Variants in RALGPS2 observed in about 807,000 individuals in gnomAD.
RALGPS2 encodes the protein Ral GEF with PH domain and SH3 binding motif 2.
In RALGPS2, 43 loss-of-function variants were observed where a neutral mutation model predicts 86.8. The ratio of observed to expected loss-of-function variants is 0.50; its 90% CI spans 0.39 to 0.64. The LOEUF is 0.64. RALGPS2 is among the 30% of genes least tolerant of loss of function. The pLI, the probability that RALGPS2 is intolerant of heterozygous loss-of-function variation, is 0.00. For missense variants in RALGPS2, 536 were observed against 694.6 expected (o/e 0.77, Z 2.57); for synonymous variants, 243 against 231.3 (o/e 1.05, Z -0.46).
intron 7 of RALGPS2, among the ~76,000 whole-genome samples, chr1:178,827,457 G>C (rs1655801748): frequency 6.7e-6 from 1 of 148,960 alleles, no homozygotes; most frequent in African/African-American, 2.5e-5. Flanking sequence ...TGCAGTGGCG[G>C]GATCTCGGCT....
Position 178,916,319 on chromosome 1 carries a change from A to G in RALGPS2, c.1723-11A>G, listed in dbSNP as rs372752972. On this transcript the variant is annotated splice_polypyrimidine_tract_variant and intron_variant, in intron 19 of 19. Transcript: ENST00000367635. ...CTTTTAAACTCAGTTTTTAATGCTT[A>G]TATTTTTTAGGTTCCTACAAACTTG... The G allele has an allele frequency of 1.7e-5, 27 of 1,585,710 alleles. No individual in the cohort carries two copies. In the African/African-American group the frequency reaches 3.4e-4, roughly 20 times the overall value.
intron 8 of RALGPS2, chr1:178,851,161 C>T (rs1282800082): frequency 1.2e-6 from 2 of 1,613,742 alleles, no homozygotes; most frequent in Non-Finnish European, 1.7e-6. Context: ...ATCTGAACTG[C>T]TCTTAAGGAG....
intron 1 of RALGPS2, chr1:178,725,721 G>A (rs1292402821): frequency 3.3e-5 from 5 of 152,178 alleles, no homozygotes; most frequent in Non-Finnish European, 7.3e-5. Flanking sequence ...GCGACCCCTT[G>A]AACCCGCCTC....
intron 1 of RALGPS2, among the ~76,000 whole-genome samples, chr1:178,771,440 C>T (rs552088779): frequency 6.6e-6 from 1 of 152,330 alleles, no homozygotes; most frequent in African/African-American, 2.4e-5. Context: ...AACTTCTTGT[C>T]AGTAATGTTG....
chr1:178,757,394 G>A (rs982477198), intron 1 of RALGPS2, among the ~76,000 whole-genome samples: 4 of 152,104 alleles, frequency 2.6e-5, no homozygotes, highest in Non-Finnish European at 4.4e-5. Flanking sequence ...AATACTCTTA[G>A]CTTTTGCCTG....
chr1:178,811,659 A>G (rs1021121638), intron 6 of RALGPS2, among the ~76,000 whole-genome samples: 1 of 152,180 alleles, frequency 6.6e-6, no homozygotes, highest in Non-Finnish European at 1.5e-5. Flanking sequence ...TTACTGAATA[A>G]GTAGACAAAG....
At chr1:178,780,946 T>TTA (rs1183586778) in intron 2 of RALGPS2, among the ~76,000 whole-genome samples, 3 of 152,032 alleles carry the variant, frequency 2.0e-5, no homozygotes, top group South Asian at 2.1e-4. Context: ...AAGATTATGT[T>TTA]TATATATATG....
At chr1:178,888,969 TAA>T (rs1197148404) in intron 13 of RALGPS2, among the ~76,000 whole-genome samples, 2 of 152,144 alleles carry the variant, frequency 1.3e-5, no homozygotes, top group Non-Finnish European at 2.9e-5. Flanking sequence ...GAATTACCTT[TAA>T]AGTAACATTT....
intron 4 of RALGPS2, among the ~76,000 whole-genome samples, chr1:178,788,269 G>A (rs550459507): frequency 1.3e-5 from 2 of 152,268 alleles, no homozygotes; most frequent in African/African-American, 4.8e-5. Flanking sequence ...TTTGTGTTGT[G>A]ATTCAACAAA....
chr1:178,878,366 A>G (rs957646953), intron 9 of RALGPS2, among the ~76,000 whole-genome samples: 4 of 152,268 alleles, frequency 2.6e-5, no homozygotes, highest in African/African-American at 9.6e-5. Flanking sequence ...CTTTTGCTTC[A>G]TGCATCTATA....
chr1:178,858,855 G>C (rs1166561353), intron 8 of RALGPS2, among the ~76,000 whole-genome samples: 1 of 152,170 alleles, frequency 6.6e-6, no homozygotes, highest in Non-Finnish European at 1.5e-5. Context: ...TCTGTAAAAA[G>C]AGCTTTTACA....
At chr1:178,737,818 C>G (rs1195364167) in intron 1 of RALGPS2, among the ~76,000 whole-genome samples, 3 of 152,098 alleles carry the variant, frequency 2.0e-5, no homozygotes, top group African/African-American at 7.2e-5. Flanking sequence ...CACTCTCTCA[C>G]CCAGACTGGA....
chr1:178,838,049 G>A (rs1372615279), intron 8 of RALGPS2, among the ~76,000 whole-genome samples: 2 of 152,226 alleles, frequency 1.3e-5, no homozygotes, highest in East Asian at 3.8e-4. Flanking sequence ...ACTGGGTGGA[G>A]CCCACCGCAG....
intron 6 of RALGPS2, 34 bp from the exon 7 acceptor site, chr1:178,821,578 C>T (rs1168224418): frequency 2.0e-6 from 3 of 1,528,744 alleles, no homozygotes; most frequent in Non-Finnish European, 1.8e-6. Context: ...TGTTCTTTTT[C>T]ATCCCTCTCC....
intron 8 of RALGPS2, among the ~76,000 whole-genome samples, chr1:178,857,417 G>C (rs975583745): frequency 2.6e-5 from 4 of 152,126 alleles, no homozygotes; most frequent in Non-Finnish European, 4.4e-5. Flanking sequence ...AAGGGATAAA[G>C]AAACAACCTT....
intron 1 of RALGPS2, among the ~76,000 whole-genome samples, chr1:178,760,134 A>T (rs1208056405): frequency 6.6e-6 from 1 of 152,114 alleles, no homozygotes; most frequent in African/African-American, 2.4e-5. Flanking sequence ...AACAGTGGTG[A>T]TAGTGGGCAT....
intron 1 of RALGPS2, among the ~76,000 whole-genome samples, chr1:178,732,293 T>TTTATTTA (rs1650412691): frequency 6.7e-6 from 1 of 150,122 alleles, no homozygotes; most frequent in African/African-American, 2.5e-5. Flanking sequence ...TCCTGATTTA[T>TTTATTTA]TTTATTTATT....
chr1:178,850,996 T>C, intron 8 of RALGPS2: 1 of 818,926 alleles, frequency 1.2e-6, no homozygotes, highest in Non-Finnish European at 1.7e-6. Context: ...CCTTTTATAG[T>C]TACGGTAAAA....
At chr1:178,909,464 T>A (rs1456063861) in intron 19 of RALGPS2, among the ~76,000 whole-genome samples, 2 of 152,134 alleles carry the variant, frequency 1.3e-5, no homozygotes, top group Non-Finnish European at 2.9e-5. Flanking sequence ...TTTCTAATTC[T>A]TTGAAGAATG....
Sources: allele counts gnomAD v4.1 joint callset (sites outside exome capture counted in the v4.1 genomes callset), GRCh38; gene constraint gnomAD v4.1.1; transcripts MANE v1.5; gene names NCBI Gene and HGNC (gene_info 2026-07-23, HGNC 2026-07-21).